OPRM1: variants seen among roughly 807,000 people sequenced by gnomAD.
The protein encoded by OPRM1 is opioid receptor mu 1.
Under a neutral mutation model 31.8 loss-of-function variants are expected in OPRM1, and 27 were observed. The ratio of observed to expected loss-of-function variants is 0.85; its 90% CI spans 0.63 to 1.17. The LOEUF (loss-of-function observed/expected upper bound fraction) is 1.17, where lower values mean the gene tolerates loss of function less well. Ranked by LOEUF, OPRM1 falls within the 50% of genes most tolerant of loss-of-function variation. The pLI is 0.00. For missense variants in OPRM1, 536 were observed against 511.1 expected, an observed-to-expected ratio of 1.05 and a Z score of -0.47; for synonymous variants, 196 against 189.9, an observed-to-expected ratio of 1.03 and a Z score of -0.26.
rs1356614460 is a variant in OPRM1, at chr6:154,091,377, T to A, written c.1069T>A (p.Ser357Thr). The A allele has an allele frequency of 6.2e-7, 1 of 1,614,162 alleles. No homozygotes were observed. Residue 357 changes from serine to threonine, a missense_variant, in exon 3 of 4, where the codon TCT (serine) becomes ACT (threonine). Ser to Thr is a moderately conservative substitution (Grantham distance 58). Transcript: ENST00000330432. The stretch of plus-strand genomic sequence containing the variant: ...CTTCAGAGAGTTCTGTATCCCAACC[T>A]CTTCCAACATTGAGCAACAAAACTC... ...RCFREFCIPTSSNIEQQNSTR... is the reference protein window; with the variant it reads ...RCFREFCIPTTSNIEQQNSTR...
intron 3 of OPRM1, chr6:154,223,042 A>C: frequency 1.3e-6 from 1 of 762,730 alleles, no homozygotes; most frequent in Non-Finnish European, 2.3e-6. Flanking sequence ...GCCAACCCAT[A>C]ATGCTTCAAA....
chr6:154,120,357 C>T lies in OPRM1; in HGVS notation c.*1636C>T, dbSNP rs953935117. Among the ~76,000 whole-genome samples the T allele has an allele frequency of 1.5e-4, 23 of 152,094 alleles. No individual in the cohort carries two copies. The highest frequency in any genetic ancestry group is 5.3e-4 in the African/African-American group (22 of 41,420). On this transcript the variant is annotated 3_prime_UTR_variant, in exon 4 of 4. Coordinates refer to ENST00000330432, the MANE Select transcript of OPRM1 (RefSeq NM_000914.5). ...TGGCTATAGTTATGTGGACTCAACCCACGTATCCAGTAGATGGGAAAAAAC... is the reference window on the plus strand; with the variant it reads ...TGGCTATAGTTATGTGGACTCAACCTACGTATCCAGTAGATGGGAAAAAAC...
intron 3 of OPRM1, among the ~76,000 whole-genome samples, chr6:154,099,048 G>A (rs1056022137): frequency 5.3e-5 from 8 of 152,092 alleles, no homozygotes; most frequent in African/African-American, 1.7e-4. Context: ...GGGAGGCCGA[G>A]GCCAGTGAAT....
chr6:154,191,272 G>T (rs1411292823), intron 3 of OPRM1, among the ~76,000 whole-genome samples: 2 of 152,138 alleles, frequency 1.3e-5, no homozygotes, highest in African/African-American at 4.8e-5. Context: ...GGAGCACAGG[G>T]GATATTTTTT....
At chr6:154,210,140 C>T (rs978523375) in intron 3 of OPRM1, among the ~76,000 whole-genome samples, 1 of 152,148 alleles carries the variant, frequency 6.6e-6, no homozygotes, top group Non-Finnish European at 1.5e-5. Context: ...GCTTTTATTT[C>T]ACCAGGGAGA....
chr6:154,221,819 A>G (rs1319942220), intron 3 of OPRM1, among the ~76,000 whole-genome samples: 1 of 152,180 alleles, frequency 6.6e-6, no homozygotes, highest in Non-Finnish European at 1.5e-5. Context: ...GCTTGCAGTG[A>G]GCCGAGATCA....
At chr6:154,117,642 C>T (rs1343148524) in intron 3 of OPRM1, among the ~76,000 whole-genome samples, 1 of 152,168 alleles carries the variant, frequency 6.6e-6, no homozygotes, top group African/African-American at 2.4e-5. Flanking sequence ...CTCGCCTGTG[C>T]TTTCTTAATT....
chr6:154,093,463 G>C, intron 3 of OPRM1: 1 of 1,613,564 alleles, frequency 6.2e-7, no homozygotes, highest in Non-Finnish European at 8.5e-7. Context: ...TTATTCTTCA[G>C]TTGCCCGACA....
chr6:154,138,549 C>T (rs1253639747), intron 3 of OPRM1, among the ~76,000 whole-genome samples: 2 of 152,044 alleles, frequency 1.3e-5, no homozygotes, highest in East Asian at 1.9e-4. Flanking sequence ...CGGGAAGGAG[C>T]GTGTCAAGAT....
intron 3 of OPRM1, among the ~76,000 whole-genome samples, chr6:154,216,257 T>C (rs1583822086): frequency 6.6e-6 from 1 of 152,090 alleles, no homozygotes; most frequent in Admixed American, 6.6e-5. Context: ...CTATCAACAC[T>C]GATTCTATCA....
upstream of OPRM1, among the ~76,000 whole-genome samples, chr6:154,038,074 C>T (rs1002096184): frequency 6.6e-6 from 1 of 152,082 alleles, no homozygotes; most frequent in Non-Finnish European, 1.5e-5. Context: ...TAATAGTGAA[C>T]ATTGGCAAAA....
chr6:154,176,950 C>A (rs1800385807), intron 3 of OPRM1, among the ~76,000 whole-genome samples: 1 of 151,984 alleles, frequency 6.6e-6, no homozygotes, highest in Non-Finnish European at 1.5e-5. Flanking sequence ...AGATATAGAC[C>A]AATGGAACAG....
At chr6:154,162,414 C>A (rs1799099528) in intron 3 of OPRM1, among the ~76,000 whole-genome samples, 1 of 152,208 alleles carries the variant, frequency 6.6e-6, no homozygotes, top group South Asian at 2.1e-4. Context: ...ACCAAAACTG[C>A]TCTTGTGAAG....
intron 3 of OPRM1, chr6:154,199,936 G>A (rs1373020851): frequency 1.9e-6 from 3 of 1,614,220 alleles, no homozygotes; most frequent in Non-Finnish European, 2.5e-6. Flanking sequence ...CTTTAGATAA[G>A]GAGGAAGGAA....
intron 3 of OPRM1, among the ~76,000 whole-genome samples, chr6:154,189,248 T>G (rs929616456): frequency 3.3e-5 from 5 of 152,206 alleles, no homozygotes; most frequent in Non-Finnish European, 5.9e-5. Flanking sequence ...ACTTTACCAA[T>G]GAGGATGTGG....
chr6:154,108,605 CAA>C (rs1795966335), intron 3 of OPRM1: 3 of 189,116 alleles, frequency 1.6e-5, no homozygotes, highest in Non-Finnish European at 2.9e-5. Context: ...CAGCCATCAG[CAA>C]AGAGTGCAAG....
At chr6:154,233,481 C>A (rs1041694318) in intron 3 of OPRM1, among the ~76,000 whole-genome samples, 5 of 152,040 alleles carry the variant, frequency 3.3e-5, no homozygotes, top group African/African-American at 1.2e-4. Flanking sequence ...AGATTTAGAT[C>A]CAGAGAGACT....
intron 1 of OPRM1, among the ~76,000 whole-genome samples, chr6:154,058,358 G>A (rs1328320464): frequency 6.6e-6 from 1 of 151,934 alleles, no homozygotes; most frequent in Non-Finnish European, 1.5e-5. Context: ...GAATATATTG[G>A]GTCAGCATTC....
chr6:154,137,188 T>G (rs890630313), downstream of OPRM1, among the ~76,000 whole-genome samples: 6 of 152,132 alleles, frequency 3.9e-5, no homozygotes, highest in African/African-American at 1.4e-4. Context: ...CTTCAAAAAT[T>G]ATTCCCCAAG....
Sources: gnomAD v4.1 joint callset for allele counts (sites outside exome capture counted in the v4.1 genomes callset) on GRCh38, gnomAD v4.1.1 for gene constraint, MANE v1.5 for transcripts, NCBI Gene and HGNC (gene_info 2026-07-23, HGNC 2026-07-21) for gene names.